TSPAN32: variants seen among roughly 807,000 people sequenced by gnomAD.
The protein encoded by TSPAN32 is tetraspanin-32.
Under a neutral mutation model 42.7 loss-of-function variants are expected in TSPAN32, and 47 were observed. The ratio of observed to expected loss-of-function variants is 1.10; its 90% confidence interval spans 0.87 to 1.40. The LOEUF is 1.40. TSPAN32 is among the 40% of genes most tolerant of loss of function. TSPAN32 has a pLI of 0.00. For synonymous variants in TSPAN32, 175 were observed against 175.9 expected (o/e 0.99, Z 0.04); for missense variants, 469 against 424.1 (o/e 1.11, Z -0.93).
chr11:2,307,932 C>T (rs574757881), intron 3 of TSPAN32, among the ~76,000 whole-genome samples: 1 of 152,304 alleles, frequency 6.6e-6, no homozygotes, highest in South Asian at 2.1e-4. Flanking sequence ...GCCTCACCAG[C>T]ACTGGGCTAG....
Position 2,317,516 on chromosome 11 carries a change from GC to G in TSPAN32, c.895del (p.His299ThrfsTer?). ...TCTGCCCCTCTCCTGCCACCTGGCTGCCCACAGAGGTGAAGACGCCCCTGCT... is the reference window on the plus strand; with the variant it reads ...TCTGCCCCTCTCCTGCCACCTGGCTGCCACAGAGGTGAAGACGCCCCTGCT... Reference protein sequence around the residue: ...APLPLSCHLAAHRALQGRSRG... With the variant: ...APLPLSCHLAXHRALQGRSRG... On this transcript the variant is annotated frameshift_variant, in exon 9 of 10. Coordinates refer to ENST00000182290, the MANE Select transcript of TSPAN32 (RefSeq NM_139022.3). LOFTEE classifies it low-confidence loss of function (END_TRUNC). This position sits in a 1 kb window ranked among gnomAD's most constrained non-coding sequence, Gnocchi z 6.2. The G allele has an allele frequency of 6.3e-7, 1 of 1,581,138 alleles. No individual in the cohort carries two copies.
chr11:2,317,843 G>A lies in TSPAN32; in HGVS notation c.902-20G>A, dbSNP rs1239769808. 6.3e-7 allele frequency: 1 copy of A among 1,594,260 alleles called. No homozygotes were observed. The highest frequency in any genetic ancestry group is 8.6e-7 in the Non-Finnish European group (1 of 1,163,082). On this transcript the variant is annotated intron_variant, in intron 9 of 9. Coordinates refer to ENST00000182290, the MANE Select transcript of TSPAN32 (RefSeq NM_139022.3). The surrounding 1 kb of genome is among the most constrained non-coding windows in gnomAD (Gnocchi z 6.2). ...CATGGATGTAAGGACTGCAAGCAGTGCCCATTTATGATCTCGCAGCTCTCC... is the reference window on the plus strand; with the variant it reads ...CATGGATGTAAGGACTGCAAGCAGTACCCATTTATGATCTCGCAGCTCTCC...
In TSPAN32 at chr11:2,302,954, A is replaced by G. The variant is rs531066922; in HGVS notation, c.177A>G (p.Gln59=). 3.7e-6 allele frequency: 6 copies of G among 1,613,072 alleles called. No homozygotes were observed. Among genetic ancestry groups the G allele is most frequent in the African/African-American group, 2.7e-5 (2 of 75,020 alleles). ...AGAACCCGTACCAGGCTGTGCACCA[A>G]TGGGGTAAGTGAGGTCCAGGCCTGG... The part of the protein sequence containing the change: ...LEKNPYQAVH[Q]WAFSAGLSLV... The change falls in exon 2 of 10, where the codon CAA becomes CAG. Residue 59 remains glutamine, a synonymous_variant. Transcript: ENST00000182290.
intron 2 of TSPAN32, 70 bp downstream of exon 2, chr11:2,303,028 C>G (rs1301920535): frequency 7.2e-7 from 1 of 1,386,442 alleles, no homozygotes; most frequent in African/African-American, 1.4e-5. Flanking sequence ...ACGAGCCCAG[C>G]TGGACGCCTC....
chr11:2,306,340 A>G (rs1164000163), intron 3 of TSPAN32, among the ~76,000 whole-genome samples: 3 of 151,962 alleles, frequency 2.0e-5, no homozygotes, highest in African/African-American at 7.3e-5. Flanking sequence ...GGGCTGAGAG[A>G]GCAGAGCTGG....
At position 2,302,230 on chromosome 11, in the gene TSPAN32, G is replaced by A. The variant is rs2234287; in HGVS notation, c.66+15G>A. ...TCTTTATCTTGGTAACAGGCAGGTC[G>A]GGCAGGAGTGGGTGGTGGGTGGGGG... On this transcript the variant is annotated intron_variant, in intron 1 of 9. Coordinates refer to ENST00000182290, the MANE Select transcript of TSPAN32 (RefSeq NM_139022.3). The A allele has an allele frequency of 3.8e-4, 526 of 1,395,060 alleles. 5 individuals are homozygous for A. The highest frequency in any genetic ancestry group is 4.3e-4 in the Admixed American group (13 of 30,120). The allele number at this position is 1,395,060 out of a possible 1,614,324, so 86.4% of individuals were successfully genotyped here.
At chr11:2,316,141 C>T (rs370856783) in intron 6 of TSPAN32, 88 bp from the exon 7 acceptor site, 146 of 1,515,576 alleles carry the variant, frequency 9.6e-5, no homozygotes, top group Middle Eastern at 3.5e-4. Flanking sequence ...CCTAGGTGGG[C>T]GCTGCAGCTC....
chr11:2,316,805 G>A (rs1848827189), intron 8 of TSPAN32, 138 bp downstream of exon 8: 2 of 944,846 alleles, frequency 2.1e-6, no homozygotes, highest in Non-Finnish European at 3.0e-6. Context: ...CGCTTTGGGG[G>A]TGGCTGAGCA....
chr11:2,314,653 A>T (rs1430408399), intron 6 of TSPAN32, 82 bp downstream of exon 6: 1 of 1,146,766 alleles, frequency 8.7e-7, no homozygotes, highest in African/African-American at 1.5e-5. Flanking sequence ...ACCCAGGGCC[A>T]TCCTCCCACC....
intron 4 of TSPAN32, among the ~76,000 whole-genome samples, chr11:2,311,310 GATGCTC>G (rs1467454146): frequency 6.6e-6 from 1 of 152,164 alleles, no homozygotes; most frequent in Non-Finnish European, 1.5e-5. Context: ...ACTTCCCTGG[GATGCTC>G]ATGCGGGCAG....
In TSPAN32 at chr11:2,317,908, G is replaced by A. The variant is rs199740795; in HGVS notation, c.947G>A (p.Arg316Gln). The part of the protein sequence containing the change: ...SRGGLSGCPE[R>Q]GLSD The stretch of plus-strand genomic sequence containing the variant: ...GGTGGGCTCAGTGGGTGCCCTGAGC[G>A]GGGTCTCTCAGACTGACGTCAGGCC... The change falls in exon 10 of 10, where the codon CGG becomes CAG. Residue 316 changes from arginine to glutamine, a missense_variant. Coordinates refer to ENST00000182290, the MANE Select transcript of TSPAN32 (RefSeq NM_139022.3). The surrounding 1 kb of genome is among the most constrained non-coding windows in gnomAD (Gnocchi z 6.2). 474 of 1,233,390 alleles carry A rather than the reference G, an allele frequency of 3.8e-4. No individual in the cohort carries two copies. The highest frequency in any genetic ancestry group is 5.6e-4 in the East Asian group (24 of 43,222). The allele number at this position is 1,233,390 out of a possible 1,614,324, so 76.4% of individuals were successfully genotyped here.
rs1848900240 is a variant in TSPAN32, at chr11:2,317,933, C to T, written c.*9C>T. 1.0e-6 allele frequency: 1 copy of T among 961,428 alleles called. No homozygotes were observed. Among genetic ancestry groups the T allele is most frequent in the South Asian group, 1.3e-5 (1 of 77,950 alleles). The allele number at this position is 961,428 out of a possible 1,614,324, so 59.6% of individuals were successfully genotyped here. A position where few individuals can be genotyped will look rare whatever the true frequency, so the allele number is the denominator to read the frequency against. ...GGGGTCTCTCAGACTGACGTCAGGC[C>T]TTGGTGGGCTGCACTCTCACCTGGA... On this transcript the variant is annotated 3_prime_UTR_variant, in exon 10 of 10. Coordinates refer to ENST00000182290, the MANE Select transcript of TSPAN32 (RefSeq NM_139022.3). The surrounding 1 kb of genome is among the most constrained non-coding windows in gnomAD (Gnocchi z 6.2).
In TSPAN32 at chr11:2,317,981, C is replaced by G. The variant is rs939309410; in HGVS notation, c.*57C>G. 1 of 765,832 alleles carries G rather than the reference C, an allele frequency of 1.3e-6. No homozygotes were observed. The highest frequency in any genetic ancestry group is 2.4e-6 in the Non-Finnish European group (1 of 422,728). 47.4% of individuals were successfully genotyped at this position (765,832 alleles called of 1,614,324 possible). On this transcript the variant is annotated 3_prime_UTR_variant, in exon 10 of 10. Transcript: ENST00000182290. This position sits in a 1 kb window ranked among gnomAD's most constrained non-coding sequence, Gnocchi z 6.2. ...GGAGGCTCCGGGGAAGCATCTGCCTCCAGGACCATTCAGGCTGTTGACAAG... is the reference window on the plus strand; with the variant it reads ...GGAGGCTCCGGGGAAGCATCTGCCTGCAGGACCATTCAGGCTGTTGACAAG...
At chr11:2,302,719 G>T in intron 1 of TSPAN32, 125 bp from the exon 2 acceptor site, 1 of 746,784 alleles carries the variant, frequency 1.3e-6, no homozygotes, top group South Asian at 1.7e-5. Flanking sequence ...GGGAATCCCT[G>T]CAGCTGAGCC....
rs150841343 is a variant in TSPAN32 at position 2,317,567 on chromosome 11, G to A, written c.901+42G>A. 4 of 1,539,926 alleles carry A rather than the reference G, an allele frequency of 2.6e-6. No homozygotes were observed. Among genetic ancestry groups the A allele is most frequent in the Non-Finnish European group, 3.5e-6 (4 of 1,147,534 alleles). ...TGTCAGCCCTCATGGGATCCCTGAG[G>A]GGAGGGTCCGAGCTGTGAGGAGGGA... is the stretch of plus-strand genomic sequence containing the variant. On this transcript the variant is annotated intron_variant, in intron 9 of 9. Coordinates refer to ENST00000182290, the MANE Select transcript of TSPAN32 (RefSeq NM_139022.3). The surrounding 1 kb of genome is among the most constrained non-coding windows in gnomAD (Gnocchi z 6.2).
At chr11:2,314,340 A>T in intron 5 of TSPAN32, 145 bp from the exon 6 acceptor site, 1 of 707,838 alleles carries the variant, frequency 1.4e-6, no homozygotes, top group South Asian at 1.5e-5. Flanking sequence ...GCCCCAGCAG[A>T]AGCAGCTGCA....
intron 4 of TSPAN32, among the ~76,000 whole-genome samples, chr11:2,311,681 T>C (rs1848468263): frequency 6.6e-6 from 1 of 152,166 alleles, no homozygotes. Flanking sequence ...AGACACAGGA[T>C]GGGGTCGCCA....
intron 4 of TSPAN32, among the ~76,000 whole-genome samples, chr11:2,312,914 G>C (rs891974052): frequency 1.3e-5 from 2 of 152,244 alleles, no homozygotes; most frequent in Non-Finnish European, 2.9e-5. Flanking sequence ...TCCTGGAGCA[G>C]TCACAGAAGC....
intron 4 of TSPAN32, among the ~76,000 whole-genome samples, chr11:2,310,667 C>A (rs1313328890): frequency 1.3e-5 from 2 of 152,228 alleles, no homozygotes; most frequent in East Asian, 3.8e-4. Flanking sequence ...ACTTCCTGGG[C>A]CTCAGTTTCC....
Sources: gnomAD v4.1 joint callset for allele counts (sites outside exome capture counted in the v4.1 genomes callset) on GRCh38, gnomAD v4.1.1 for gene constraint, Gnocchi (gnomAD v3.1) non-coding constraint, MANE v1.5 for transcripts, NCBI Gene and HGNC (gene_info 2026-07-23, HGNC 2026-07-21) for gene names.